The following KLK5 variants were observed in gnomAD, a reference collection of about 807,000 sequenced individuals.
KLK5 encodes the protein kallikrein-5.
KLK5 carries 18 observed loss-of-function variants against 24.0 expected under a neutral mutation model. The ratio of observed to expected loss-of-function variants is 0.75; its 90% CI spans 0.52 to 1.11. The LOEUF is 1.11. Ranked by LOEUF, KLK5 falls within the 50% of genes most tolerant of loss-of-function variation. The pLI is 0.00. For missense variants in KLK5, 374 were observed against 379.2 expected, an observed-to-expected ratio of 0.99 and a Z score of 0.11; for synonymous variants, 140 against 154.0, an observed-to-expected ratio of 0.91 and a Z score of 0.67.
At chr19:50,948,594 G>C in intron 5 of KLK5, 46 bp downstream of exon 5, 2 of 1,603,652 alleles carry the variant, frequency 1.2e-6, no homozygotes, top group South Asian at 1.1e-5. Flanking sequence ...ATGTTACCGA[G>C]TTGGCACTCA....
At position 50,952,676 on chromosome 19, in the gene KLK5, G is replaced by T; in HGVS notation, c.-11-8C>A. 1 of 1,585,986 alleles carries T rather than the reference G, an allele frequency of 6.3e-7. No individual in the cohort carries two copies. On this transcript the variant is annotated splice_region_variant and splice_polypyrimidine_tract_variant and intron_variant, in intron 1 of 5. Coordinates refer to ENST00000336334, the MANE Select transcript of KLK5 (RefSeq NM_012427.5). Reference sequence around the variant, plus strand: ...TAGCCATGGCCGCTGCACCTGGATGGGGAATGTCAGAGGGTTGGGAGGCCC... The same window carrying T: ...TAGCCATGGCCGCTGCACCTGGATGTGGAATGTCAGAGGGTTGGGAGGCCC...
In KLK5 at chr19:50,950,658, G is replaced by A. The variant is rs559709332; in HGVS notation, c.74-542C>T. Among the ~76,000 whole-genome samples, 690 of 152,224 alleles carry A rather than the reference G, an allele frequency of 4.5e-3. 5 individuals are homozygous for A. The highest frequency in any genetic ancestry group is 0.016 in the African/African-American group (665 of 41,522). On this transcript the variant is annotated intron_variant, in intron 2 of 5. Transcript: ENST00000336334. Reference sequence around the variant, plus strand: ...TGTAACCCCAGCACTCTGGGAGGCCGAGGTGGGCGGATCACCTGAGGTTGG... The same window carrying A: ...TGTAACCCCAGCACTCTGGGAGGCCAAGGTGGGCGGATCACCTGAGGTTGG...
intron 5 of KLK5, among the ~76,000 whole-genome samples, chr19:50,946,564 CT>C (rs200102637): frequency 8.4e-4 from 105 of 124,294 alleles, no homozygotes; most frequent in Admixed American, 8.1e-4. Context: ...CTTTTCTTTT[CT>C]TTTTTTTTTT....
Position 50,952,750 on chromosome 19 carries a change from A to C in KLK5, c.-15T>G. On this transcript the variant is annotated 5_prime_UTR_variant, in exon 1 of 6. Transcript: ENST00000336334. ...CCACTTCCCCTCCCTCCCCTACCTTATTTCCCCAGGTAGAGAGGAACCACA... is the reference window on the plus strand; with the variant it reads ...CCACTTCCCCTCCCTCCCCTACCTTCTTTCCCCAGGTAGAGAGGAACCACA... 2.4e-6 allele frequency: 2 copies of C among 840,740 alleles called. No homozygotes were observed. Among genetic ancestry groups the C allele is most frequent in the South Asian group, 2.0e-5 (1 of 50,204 alleles). 52.1% of individuals were successfully genotyped at this position (840,740 alleles called of 1,614,324 possible). A position where few individuals can be genotyped will look rare whatever the true frequency, so the allele number is the denominator to read the frequency against.
intron 5 of KLK5, 47 bp downstream of exon 5, chr19:50,948,593 A>G: frequency 6.2e-7 from 1 of 1,603,154 alleles, no homozygotes; most frequent in Non-Finnish European, 8.5e-7. Flanking sequence ...CATGTTACCG[A>G]GTTGGCACTC....
At chr19:50,951,388 C>A (rs1264550180) in intron 2 of KLK5, among the ~76,000 whole-genome samples, 1 of 152,114 alleles carries the variant, frequency 6.6e-6, no homozygotes, top group South Asian at 2.1e-4. Context: ...TTTTTCTGCC[C>A]CAGTCTCCCG....
rs1368113949 is a variant in KLK5 at position 50,947,424 on chromosome 19, T to C, written c.726+1216A>G. Among the ~76,000 whole-genome samples the C allele has an allele frequency of 6.6e-6, 1 of 152,198 alleles. No homozygotes were observed. The highest frequency in any genetic ancestry group is 1.5e-5 in the Non-Finnish European group (1 of 68,028). ...TTGTGTCATCCATTCTCTGCTCAAA[T>C]GCCACCTCTCCAAGGAGGCTCCCCT... is the stretch of plus-strand genomic sequence containing the variant. On this transcript the variant is annotated intron_variant, in intron 5 of 5. Coordinates refer to ENST00000336334, the MANE Select transcript of KLK5 (RefSeq NM_012427.5). The surrounding 1 kb of genome is among the most constrained non-coding windows in gnomAD (Gnocchi z 8.7).
In KLK5 at chr19:50,943,414, G is replaced by A. The variant is rs999075586; in HGVS notation, c.*217C>T. On this transcript the variant is annotated 3_prime_UTR_variant, in exon 6 of 6. Coordinates refer to ENST00000336334, the MANE Select transcript of KLK5 (RefSeq NM_012427.5). The stretch of plus-strand genomic sequence containing the variant: ...CCAGGGAGATTGAGACGCAACCCCC[G>A]CCCTGGACAGTTTTGGAAATTGTTC... The A allele has an allele frequency of 2.7e-5, 13 of 486,742 alleles. No homozygotes were observed. Among genetic ancestry groups the A allele is most frequent in the Middle Eastern group, 5.3e-4 (1 of 1,892 alleles). The allele number at this position is 486,742 out of a possible 1,614,324, so 30.2% of individuals were successfully genotyped here.
rs268900 is a variant in KLK5 at position 50,949,714 on chromosome 19, A to C, written c.335+141T>G. 2.7e-4 allele frequency: 113 copies of C among 414,292 alleles called. 25 individuals carry two copies. The highest frequency in any genetic ancestry group is 1.3e-3 in the East Asian group (11 of 8,728). 25.7% of individuals were successfully genotyped at this position (414,292 alleles called of 1,614,324 possible). A position where few individuals can be genotyped will look rare whatever the true frequency, so the allele number is the denominator to read the frequency against. On this transcript the variant is annotated intron_variant, in intron 3 of 5. Transcript: ENST00000336334. ...CCACATCCCCAACCCATCCCCACCA[A>C]CCCTCACCTTCCATGACACCCCCAA...
At chr19:50,950,752 C>A (rs2090679804) in intron 2 of KLK5, among the ~76,000 whole-genome samples, 2 of 152,022 alleles carry the variant, frequency 1.3e-5, no homozygotes, top group African/African-American at 4.8e-5. Flanking sequence ...ATTAGCCAGG[C>A]GTGGTGGCGC....
rs370206944 is a variant in KLK5 at position 50,949,922 on chromosome 19, G to C, written c.268C>G (p.Gln90Glu). The C allele has an allele frequency of 1.9e-6, 3 of 1,613,544 alleles. No individual in the cohort carries two copies. The highest frequency in any genetic ancestry group is 2.5e-6 in the Non-Finnish European group (3 of 1,179,978). ...ACCAACACCGCCCCGCAGTAGAGCT[G>C]GTTGGGCCTTAGCAACAGCGCGGCC... ...WQAALLLRPN[Q>E]LYCGAVLVHP... The change falls in exon 3 of 6, where the codon CAG becomes GAG. Residue 90 changes from glutamine (Q) to glutamate (E), a missense_variant. Transcript: ENST00000336334.
At chr19:50,948,800 T>G in intron 4 of KLK5, 27 bp from the exon 5 acceptor site, 1 of 1,613,716 alleles carries the variant, frequency 6.2e-7, no homozygotes, top group East Asian at 2.2e-5. Context: ...CAATGAGAAG[T>G]GGAGAAAGAT....
At position 50,952,598 on chromosome 19, in the gene KLK5, A is replaced by C. The variant is rs754664820; in HGVS notation, c.60T>G (p.Leu20=). 6.8e-6 allele frequency: 11 copies of C among 1,607,018 alleles called. No individual in the cohort carries two copies. In the South Asian group the frequency reaches 1.2e-4, roughly 18 times the overall value. The change falls in exon 2 of 6, where the codon CTT becomes CTG. Residue 20 remains leucine, a synonymous_variant. Transcript: ENST00000336334. ...WVLCALITAL[L]LGVTEHVLAN... is the part of the protein sequence containing the mutation. ...AGTTCTGGTTACCTGTGACCCCCAG[A>C]AGCAAGGCTGTGATCAGAGCACAGA...
chr19:50,948,629 G>C lies in KLK5; in HGVS notation c.726+11C>G, dbSNP rs750401549. On this transcript the variant is annotated intron_variant, in intron 5 of 5. Coordinates refer to ENST00000336334, the MANE Select transcript of KLK5 (RefSeq NM_012427.5). Reference sequence around the variant, plus strand: ...AGTGTGTATCTGCTGAATAAAGAGAGGTGTCCTCACCTGGCAGGAGTCTCT... The same window carrying C: ...AGTGTGTATCTGCTGAATAAAGAGACGTGTCCTCACCTGGCAGGAGTCTCT... The C allele has an allele frequency of 6.2e-7, 1 of 1,613,996 alleles. No homozygotes were observed. Among genetic ancestry groups the C allele is most frequent in the South Asian group, 1.1e-5 (1 of 91,060 alleles).
intron 5 of KLK5, 95 bp downstream of exon 5, chr19:50,948,544 TC>T (rs1314108702): frequency 1.9e-5 from 24 of 1,260,794 alleles, no homozygotes. Context: ...GTCCTGACTG[TC>T]TTGGCAATTG....
rs542796675 is a variant in KLK5 at position 50,947,385 on chromosome 19, C to T, written c.726+1255G>A. On this transcript the variant is annotated intron_variant, in intron 5 of 5. Coordinates refer to ENST00000336334, the MANE Select transcript of KLK5 (RefSeq NM_012427.5). This position sits in a 1 kb window ranked among gnomAD's most constrained non-coding sequence, Gnocchi z 8.7. ...GCCTTTTCTTTCCCCTTAAACTTCA[C>T]GAGTTTAGCTTCTTTGTGTCATCCA... Among the ~76,000 whole-genome samples, 6 of 152,274 alleles carry T rather than the reference C, an allele frequency of 3.9e-5. No individual in the cohort carries two copies. The highest frequency in any genetic ancestry group is 7.2e-5 in the African/African-American group (3 of 41,568).
intron 2 of KLK5, 98 bp from the exon 3 acceptor site, chr19:50,950,214 T>C (rs1378675348): frequency 3.3e-6 from 4 of 1,202,632 alleles, no homozygotes; most frequent in Non-Finnish European, 4.7e-6. Context: ...AGGGTGGGTG[T>C]CTGACATGCT....
In KLK5 at chr19:50,949,993, C is replaced by A. The variant is rs1568529383; in HGVS notation, c.197G>T (p.Arg66Leu). 2 of 1,613,530 alleles carry A rather than the reference C, an allele frequency of 1.2e-6. No individual in the cohort carries two copies. Among genetic ancestry groups the A allele is most frequent in the Non-Finnish European group, 8.5e-7 (1 of 1,179,902 alleles). Reference sequence around the variant, plus strand: ...ATCGCAGTCGGATCCATTGATGATGCGGCTGCTGCTGTCATCCGACCGGGC... The same window carrying A: ...ATCGCAGTCGGATCCATTGATGATGAGGCTGCTGCTGTCATCCGACCGGGC... ...EDARSDDSSS[R>L]IINGSDCDMH... The change falls in exon 3 of 6, where the codon CGC (arginine) becomes CTC (leucine). Residue 66 changes from arginine (R) to leucine (L), a missense_variant. Arg to Leu is a moderately radical substitution (Grantham distance 102, BLOSUM62 -2). Transcript: ENST00000336334.
Position 50,944,971 on chromosome 19 carries a change from CTTCT to C in KLK5, c.727-1189_727-1186del, listed in dbSNP as rs562689184. ...TCCTTCCTTCCTCTCTCTTTTCTTT[CTTCT>C]TTCTTTCTTTCTTTTTCTTTCTTTC... On this transcript the variant is annotated intron_variant, in intron 5 of 5. Transcript: ENST00000336334. 7.8e-4 allele frequency among the ~76,000 whole-genome samples: 117 copies of C among 150,964 alleles called. No homozygotes were observed. The East Asian group carries it at 8.2e-3, about 11-fold the overall frequency.
Sources: gnomAD v4.1 joint callset for allele counts (sites outside exome capture counted in the v4.1 genomes callset) on GRCh38, gnomAD v4.1.1 for gene constraint, Gnocchi (gnomAD v3.1) non-coding constraint, MANE v1.5 for transcripts, NCBI Gene and HGNC (gene_info 2026-07-23, HGNC 2026-07-21) for gene names.